The following MICAL2 variants were observed in gnomAD, a reference collection of about 807,000 sequenced individuals.
MICAL2 encodes the protein [F-actin]-monooxygenase MICAL2.
A neutral mutation model predicts 127.3 loss-of-function variants in MICAL2; 77 were observed. The observed-to-expected ratio is 0.60, with a 90% confidence interval of 0.50 to 0.73. The LOEUF (loss-of-function observed/expected upper bound fraction) is 0.73, where lower values mean the gene tolerates loss of function less well. Among genes scored for constraint, MICAL2 ranks in the 30% least tolerant of loss-of-function variants. The pLI is 0.00. For synonymous variants in MICAL2, 570 were observed against 551.1 expected (o/e 1.03, Z -0.48); for missense variants, 1,351 against 1,434.4 (o/e 0.94, Z 0.94).
At chr11:12,207,298 C>T (rs1368765889) in intron 4 of MICAL2, among the ~76,000 whole-genome samples, 1 of 152,224 alleles carries the variant, frequency 6.6e-6, no homozygotes, top group Non-Finnish European at 1.5e-5. Context: ...CCTAGCATGG[C>T]ACCTGACATA....
intron 21 of MICAL2, among the ~76,000 whole-genome samples, chr11:12,245,083 G>A (rs1282754353): frequency 6.6e-6 from 1 of 152,202 alleles, no homozygotes; most frequent in African/African-American, 2.4e-5. Context: ...TACCTCCTGT[G>A]CTGAGAATAA....
chr11:12,331,670 C>A (rs1287383029), intron 32 of MICAL2, among the ~76,000 whole-genome samples: 1 of 152,106 alleles, frequency 6.6e-6, no homozygotes, highest in Non-Finnish European at 1.5e-5. Flanking sequence ...GTTTGAATCC[C>A]AATGTAGTCC....
chr11:12,314,570 C>T (rs1466882906), intron 29 of MICAL2, among the ~76,000 whole-genome samples: 3 of 151,782 alleles, frequency 2.0e-5, no homozygotes, highest in Non-Finnish European at 4.4e-5. Flanking sequence ...GTTCCGTCTC[C>T]TGGGTTCACG....
chr11:12,128,997 G>A (rs576533752), intron 1 of MICAL2, among the ~76,000 whole-genome samples: 1 of 152,184 alleles, frequency 6.6e-6, no homozygotes, highest in Non-Finnish European at 1.5e-5. Flanking sequence ...ATTATTGTAA[G>A]TGCCTTCTTA....
intron 1 of MICAL2, among the ~76,000 whole-genome samples, chr11:12,111,104 C>T (rs1849570594): frequency 6.6e-6 from 1 of 152,216 alleles, no homozygotes; most frequent in Admixed American, 6.5e-5. Flanking sequence ...GAAGACCATC[C>T]CCAAACTTCC....
intron 5 of MICAL2, 37 bp from the exon 6 acceptor site, chr11:12,209,460 C>T: frequency 6.6e-7 from 1 of 1,525,668 alleles, no homozygotes; most frequent in Non-Finnish European, 9.1e-7. Flanking sequence ...CTTCCCACCT[C>T]TCTCTGCCAA....
chr11:12,305,877 G>A (rs772301623), intron 29 of MICAL2, among the ~76,000 whole-genome samples: 4 of 152,194 alleles, frequency 2.6e-5, no homozygotes, highest in East Asian at 1.9e-4. Context: ...TTTTAAATGC[G>A]GATTCAAATG....
chr11:12,203,084 A>G (rs1854226629), intron 3 of MICAL2, among the ~76,000 whole-genome samples: 1 of 152,144 alleles, frequency 6.6e-6, no homozygotes. Context: ...AGGTTCATTC[A>G]TGTATTAGAA....
chr11:12,238,673 A>G (rs1431140849), intron 16 of MICAL2, among the ~76,000 whole-genome samples: 1 of 152,220 alleles, frequency 6.6e-6, no homozygotes, highest in Non-Finnish European at 1.5e-5. Flanking sequence ...AAAAGATATT[A>G]GTGGAAAAAC....
At chr11:12,241,921 T>G (rs1184494641) in intron 18 of MICAL2, among the ~76,000 whole-genome samples, 1 of 151,206 alleles carries the variant, frequency 6.6e-6, no homozygotes, top group African/African-American at 2.4e-5. Context: ...GGCTTGGGTG[T>G]TTTTTTTTAA....
chr11:12,318,841 G>A (rs1220667484), intron 29 of MICAL2, among the ~76,000 whole-genome samples: 1 of 152,168 alleles, frequency 6.6e-6, no homozygotes, highest in East Asian at 1.9e-4. Context: ...TCCCCGGCCA[G>A]ATCACAGAGC....
At position 12,241,119 on chromosome 11, in the gene MICAL2, CGGA is replaced by C; in HGVS notation, c.2300_2302del (p.Glu767del). The stretch of plus-strand genomic sequence containing the variant: ...CCTGTTCACTCTTGCTGCCCCAAGC[CGGA>C]GGAGGCCACACCCAGCCCATCACCT... On this transcript the variant is annotated inframe_deletion, in exon 18 of 28. Coordinates refer to ENST00000683283, the MANE Select transcript of MICAL2 (RefSeq NM_001282663.2). 6.2e-7 allele frequency: 1 copy of C among 1,614,144 alleles called. No homozygotes were observed. The highest frequency in any genetic ancestry group is 1.1e-5 in the South Asian group (1 of 91,074).
chr11:12,299,634 A>G (rs1336200249), intron 29 of MICAL2, among the ~76,000 whole-genome samples: 4 of 152,220 alleles, frequency 2.6e-5, no homozygotes. Flanking sequence ...ATTAAAGAAC[A>G]TGCCCTGAGA....
chr11:12,253,597 T>C (rs1861868516), intron 22 of MICAL2: 1 of 152,150 alleles, frequency 6.6e-6, no homozygotes, highest in Non-Finnish European at 1.5e-5. Flanking sequence ...ACCAACAAAA[T>C]CTATAAATGG....
At chr11:12,299,717 C>G (rs1450965989) in intron 29 of MICAL2, among the ~76,000 whole-genome samples, 1 of 152,130 alleles carries the variant, frequency 6.6e-6, no homozygotes, top group Non-Finnish European at 1.5e-5. Flanking sequence ...AATGTTAAGC[C>G]TACAGCTGAT....
upstream of MICAL2, among the ~76,000 whole-genome samples, chr11:12,271,934 G>A (rs1175642975): frequency 6.6e-6 from 1 of 152,112 alleles, no homozygotes; most frequent in Non-Finnish European, 1.5e-5. Flanking sequence ...TTTTTACAGA[G>A]TCTCTACCTC....
At chr11:12,133,411 A>T (rs2012122) in intron 1 of MICAL2, among the ~76,000 whole-genome samples, 2 of 152,082 alleles carry the variant, frequency 1.3e-5, no homozygotes, top group South Asian at 4.1e-4. Flanking sequence ...CTTTAAAAAC[A>T]CACCTGAAGG....
intron 2 of MICAL2, among the ~76,000 whole-genome samples, chr11:12,149,909 T>C (rs184241839): frequency 6.6e-6 from 1 of 152,198 alleles, no homozygotes; most frequent in East Asian, 1.9e-4. Flanking sequence ...ACCAGAACCT[T>C]CATTTTCAGG....
intron 32 of MICAL2, among the ~76,000 whole-genome samples, chr11:12,338,765 G>A (rs1018489135): frequency 6.6e-6 from 1 of 152,204 alleles, no homozygotes; most frequent in Non-Finnish European, 1.5e-5. Context: ...TTTTCTTTAA[G>A]AATGTTGAAT....
Sources: allele counts gnomAD v4.1 joint callset (sites outside exome capture counted in the v4.1 genomes callset), GRCh38; gene constraint gnomAD v4.1.1; transcripts MANE v1.5; gene names NCBI Gene and HGNC (gene_info 2026-07-23, HGNC 2026-07-21).